Variants in GNAL observed in about 807,000 individuals in gnomAD.
GNAL encodes the protein guanine nucleotide-binding protein G(olf) subunit alpha.
In GNAL, 18 loss-of-function variants were observed where a neutral mutation model predicts 55.1. The ratio of observed to expected loss-of-function variants is 0.33; its 90% CI spans 0.23 to 0.48. The LOEUF is 0.48. Among genes scored for constraint, GNAL ranks in the 20% least tolerant of loss-of-function variants. The pLI is 0.99. For missense variants in GNAL, 412 were observed against 614.1 expected (o/e 0.67, Z 3.48); for synonymous variants, 253 against 237.0 (o/e 1.07, Z -0.62).
intron 5 of GNAL, chr18:11,851,836 G>A: frequency 1.2e-6 from 2 of 1,613,984 alleles, no homozygotes; most frequent in Non-Finnish European, 8.5e-7. Flanking sequence ...CATGAATCTG[G>A]AGAAGATTTC....
intron 4 of GNAL, among the ~76,000 whole-genome samples, chr18:11,812,014 T>C (rs1362648534): frequency 6.6e-6 from 1 of 152,226 alleles, no homozygotes; most frequent in African/African-American, 2.4e-5. Flanking sequence ...CTCTTTGGCA[T>C]GCTGCAAGTG....
At chr18:11,758,294 G>A (rs907231977) in intron 4 of GNAL, among the ~76,000 whole-genome samples, 1 of 152,180 alleles carries the variant, frequency 6.6e-6, no homozygotes, top group East Asian at 1.9e-4. Flanking sequence ...AGCAAATTGT[G>A]AAAGCAAATT....
At chr18:11,712,508 G>A (rs572719811) in intron 1 of GNAL, among the ~76,000 whole-genome samples, 67 of 152,328 alleles carry the variant, frequency 4.4e-4, no homozygotes, top group Non-Finnish European at 5.6e-4. Context: ...AAATTTTTCA[G>A]CGGGGCTGGG....
intron 4 of GNAL, among the ~76,000 whole-genome samples, chr18:11,792,073 C>G (rs569051192): frequency 2.0e-5 from 3 of 152,172 alleles, no homozygotes; most frequent in Non-Finnish European, 4.4e-5. Context: ...AACTGAGCAA[C>G]CTCTCCCTTT....
rs2036941756 is a variant in GNAL at position 11,884,818 on chromosome 18, C to T, written c.*3683C>T. The T allele has an allele frequency of 9.3e-6, 13 of 1,396,710 alleles. No homozygotes were observed. The highest frequency in any genetic ancestry group is 1.1e-5 in the Non-Finnish European group (12 of 1,072,008). The allele number at this position is 1,396,710 out of a possible 1,614,324, so 86.5% of individuals were successfully genotyped here. ...AGCTCACCCCCGACCAGCCCAGGCT[C>T]CAGCAGGAGAGACAAGTAAGGCCCA... On this transcript the variant is annotated 3_prime_UTR_variant, in exon 12 of 12. Transcript: ENST00000334049.
chr18:11,802,075 G>A lies in GNAL; in HGVS notation c.625-22843G>A, dbSNP rs1384180753. Among the ~76,000 whole-genome samples, 4 of 152,140 alleles carry A rather than the reference G, an allele frequency of 2.6e-5. No individual in the cohort carries two copies. In the East Asian group the frequency reaches 5.8e-4, roughly 22 times the overall value. On this transcript the variant is annotated intron_variant, in intron 4 of 11. Transcript: ENST00000334049. ...TTACCTGTTTCCCTGAAAGTTTAGGGACATTTTTTTTCTGGTAGGAAGACT... is the reference window on the plus strand; with the variant it reads ...TTACCTGTTTCCCTGAAAGTTTAGGAACATTTTTTTTCTGGTAGGAAGACT...
rs375032345 is a variant in GNAL, at chr18:11,754,985, G to C, written c.624+1040G>C. Among the ~76,000 whole-genome samples, 6 of 137,406 alleles carry C rather than the reference G, an allele frequency of 4.4e-5. No homozygotes were observed. The East Asian group carries it at 1.1e-3, about 25-fold the overall frequency. The allele number at this position is 137,406 out of a possible 152,430, so 90.1% of individuals were successfully genotyped here. On this transcript the variant is annotated intron_variant, in intron 4 of 11. Transcript: ENST00000334049. Reference sequence around the variant, plus strand: ...TTTTCATTTTTGTTACAGTGCACCAGAAGTGAGTGTGTATGTGTGTGTGTG... The same window carrying C: ...TTTTCATTTTTGTTACAGTGCACCACAAGTGAGTGTGTATGTGTGTGTGTG...
Position 11,852,613 on chromosome 18 carries a change from GT to G in GNAL, c.723-9768del, listed in dbSNP as rs59761845. The G allele has an allele frequency of 7.5e-3, 1,125 of 150,648 alleles. 2 individuals carry two copies. The highest frequency in any genetic ancestry group is 8.1e-3 in the South Asian group (37 of 4,570). The allele number at this position is 150,648 out of a possible 1,614,324, so 9.3% of individuals were successfully genotyped here. On this transcript the variant is annotated intron_variant, in intron 5 of 11. Transcript: ENST00000334049. Reference sequence around the variant, plus strand: ...GTTTATCCTTTGGGTTTTGGTTTTTGTTTTTTTTTTTTTTGCCTTCACAGTG... The same window carrying G: ...GTTTATCCTTTGGGTTTTGGTTTTTGTTTTTTTTTTTTTGCCTTCACAGTG...
At chr18:11,714,616 G>A (rs1172029582) in intron 1 of GNAL, among the ~76,000 whole-genome samples, 2 of 152,150 alleles carry the variant, frequency 1.3e-5, no homozygotes, top group African/African-American at 4.8e-5. Context: ...AAGATACACT[G>A]TTAATTTATA....
chr18:11,778,008 C>T (rs1217072055), intron 4 of GNAL, among the ~76,000 whole-genome samples: 8 of 152,198 alleles, frequency 5.3e-5, no homozygotes, highest in African/African-American at 1.7e-4. Flanking sequence ...GAATCAGCAC[C>T]TCCCCACCAG....
intron 4 of GNAL, among the ~76,000 whole-genome samples, chr18:11,795,682 G>T (rs1042320847): frequency 6.6e-6 from 1 of 152,154 alleles, no homozygotes; most frequent in Non-Finnish European, 1.5e-5. Context: ...TCTGTGTGAG[G>T]CGTCAGTCTG....
chr18:11,810,255 G>T (rs560488492), intron 4 of GNAL, among the ~76,000 whole-genome samples: 1 of 152,198 alleles, frequency 6.6e-6, no homozygotes, highest in Non-Finnish European at 1.5e-5. Flanking sequence ...ATAGCCAGGC[G>T]TGGTGGTGTG....
At chr18:11,871,811 T>C (rs1038092399) in intron 9 of GNAL, among the ~76,000 whole-genome samples, 5 of 152,248 alleles carry the variant, frequency 3.3e-5, no homozygotes, top group African/African-American at 4.8e-5. Flanking sequence ...CCAATAAATC[T>C]ATATCCCCCA....
chr18:11,759,707 G>T (rs1443041024), intron 4 of GNAL, among the ~76,000 whole-genome samples: 2 of 152,222 alleles, frequency 1.3e-5, no homozygotes, highest in Non-Finnish European at 2.9e-5. Context: ...AGCCAAGTGC[G>T]GTGCCCAGCC....
In GNAL at chr18:11,884,250, T is replaced by C; in HGVS notation, c.*3115T>C. The C allele has an allele frequency of 1.7e-6, 1 of 574,158 alleles. No individual in the cohort carries two copies. 35.6% of individuals were successfully genotyped at this position (574,158 alleles called of 1,614,324 possible). On this transcript the variant is annotated 3_prime_UTR_variant, in exon 12 of 12. Coordinates refer to ENST00000334049, the MANE Select transcript of GNAL (RefSeq NM_182978.4). ...ATGAGAAAACAGATTTGTTGTAGAGTACCTGTCCACTTTTATAGCATGAGA... is the reference window on the plus strand; with the variant it reads ...ATGAGAAAACAGATTTGTTGTAGAGCACCTGTCCACTTTTATAGCATGAGA...
chr18:11,822,311 A>G (rs756593688), intron 4 of GNAL, among the ~76,000 whole-genome samples: 14 of 152,074 alleles, frequency 9.2e-5, no homozygotes, highest in Non-Finnish European at 1.6e-4. Flanking sequence ...CAAACAAACG[A>G]ACAAACAAAT....
intron 5 of GNAL, among the ~76,000 whole-genome samples, chr18:11,848,158 T>C (rs1274909238): frequency 6.6e-6 from 1 of 151,990 alleles, no homozygotes; most frequent in Non-Finnish European, 1.5e-5. Flanking sequence ...CAGAAGCAAA[T>C]CTCTCCGTGG....
At chr18:11,731,557 A>G (rs1258337117) in intron 1 of GNAL, among the ~76,000 whole-genome samples, 2 of 152,250 alleles carry the variant, frequency 1.3e-5, no homozygotes, top group African/African-American at 4.8e-5. Flanking sequence ...GGTCGAATAT[A>G]GTCCTTGACA....
intron 1 of GNAL, among the ~76,000 whole-genome samples, chr18:11,738,857 G>A (rs771592417): frequency 1.3e-4 from 20 of 152,196 alleles, no homozygotes; most frequent in Non-Finnish European, 2.9e-4. Context: ...GGGTGAGGAT[G>A]AGGAGGATGT....
Sources: gnomAD v4.1 joint callset for allele counts (sites outside exome capture counted in the v4.1 genomes callset) on GRCh38, gnomAD v4.1.1 for gene constraint, MANE v1.5 for transcripts, NCBI Gene and HGNC (gene_info 2026-07-23, HGNC 2026-07-21) for gene names.